The following NEGR1 variants were observed in gnomAD, a reference collection of about 807,000 sequenced individuals.
The protein encoded by NEGR1 is neuronal growth regulator 1, also known as IgLON family member 4.
In NEGR1, 10 loss-of-function variants were observed where a neutral mutation model predicts 40.9. The observed-to-expected ratio is 0.24, with a 90% CI of 0.15 to 0.42. The LOEUF is 0.42. Among genes scored for constraint, NEGR1 ranks in the 10% least tolerant of loss-of-function variants. The pLI is 1.00. For missense variants in NEGR1, 352 were observed against 438.9 expected (o/e 0.80, Z 1.77); for synonymous variants, 185 against 166.8 (o/e 1.11, Z -0.84).
At chr1:72,016,527 G>C (rs1013917311) in intron 1 of NEGR1, among the ~76,000 whole-genome samples, 2 of 152,156 alleles carry the variant, frequency 1.3e-5, no homozygotes, top group Non-Finnish European at 2.9e-5. Flanking sequence ...AGACTGGAAA[G>C]TTTTTAAAGT....
At chr1:71,976,178 A>C (rs1646302114) in intron 1 of NEGR1, among the ~76,000 whole-genome samples, 1 of 152,230 alleles carries the variant, frequency 6.6e-6, no homozygotes, top group African/African-American at 2.4e-5. Context: ...TAAAACTCCC[A>C]AAAGGCAAGT....
At chr1:71,985,387 C>T (rs1375767964) in intron 1 of NEGR1, among the ~76,000 whole-genome samples, 1 of 152,144 alleles carries the variant, frequency 6.6e-6, no homozygotes, top group Non-Finnish European at 1.5e-5. Context: ...GTTCAAATCA[C>T]TGTGGTAAGC....
chr1:71,667,885 C>A (rs957989104), intron 4 of NEGR1, among the ~76,000 whole-genome samples: 2 of 152,040 alleles, frequency 1.3e-5, no homozygotes, highest in African/African-American at 4.8e-5. Flanking sequence ...TCAGAGCTTA[C>A]AAAAATATTT....
intron 6 of NEGR1, among the ~76,000 whole-genome samples, chr1:71,558,757 C>T (rs1648338976): frequency 7.0e-6 from 1 of 142,584 alleles, no homozygotes; most frequent in African/African-American, 2.6e-5. Flanking sequence ...TCTTTACATC[C>T]TAGCACCACC....
intron 1 of NEGR1, among the ~76,000 whole-genome samples, chr1:72,185,167 C>T (rs1470748011): frequency 6.6e-6 from 1 of 151,836 alleles, no homozygotes; most frequent in African/African-American, 2.4e-5. Flanking sequence ...CCTTCTTCTT[C>T]CTCAATTATT....
intron 6 of NEGR1, among the ~76,000 whole-genome samples, chr1:71,513,408 T>C (rs1197289016): frequency 2.0e-5 from 3 of 152,192 alleles, no homozygotes; most frequent in East Asian, 3.9e-4. Context: ...ATTTTTTCTA[T>C]GTTTTTGAGT....
intron 4 of NEGR1, among the ~76,000 whole-genome samples, chr1:71,636,988 T>C (rs1351431027): frequency 1.3e-5 from 2 of 152,054 alleles, no homozygotes; most frequent in Non-Finnish European, 2.9e-5. Context: ...AGGAATAGTA[T>C]GAAAAGACAA....
chr1:71,668,917 T>A (rs1276670286), intron 4 of NEGR1, among the ~76,000 whole-genome samples: 1 of 152,164 alleles, frequency 6.6e-6, no homozygotes, highest in African/African-American at 2.4e-5. Context: ...TTGACTGTGT[T>A]GTTTTATATA....
At chr1:71,580,602 C>T (rs2065740) in intron 6 of NEGR1, among the ~76,000 whole-genome samples, 1 of 151,924 alleles carries the variant, frequency 6.6e-6, no homozygotes, top group African/African-American at 2.4e-5. Flanking sequence ...AGAATCATTC[C>T]TACATCAAAA....
chr1:71,593,286 A>G (rs1415130516), intron 5 of NEGR1, among the ~76,000 whole-genome samples: 1 of 152,210 alleles, frequency 6.6e-6, no homozygotes, highest in Non-Finnish European at 1.5e-5. Flanking sequence ...TATCTCATCT[A>G]TTAAAGTCAG....
chr1:71,715,306 G>A (rs1654238310), intron 3 of NEGR1, among the ~76,000 whole-genome samples: 1 of 152,178 alleles, frequency 6.6e-6, no homozygotes, highest in African/African-American at 2.4e-5. Context: ...GTGATGGGAG[G>A]ACCTGCCATG....
chr1:71,664,542 G>T (rs964628097), intron 4 of NEGR1, among the ~76,000 whole-genome samples: 2 of 151,942 alleles, frequency 1.3e-5, no homozygotes, highest in African/African-American at 4.8e-5. Context: ...TGATTTCCAT[G>T]GGAATTTAGA....
chr1:71,535,647 T>C (rs943058912), intron 6 of NEGR1, among the ~76,000 whole-genome samples: 1 of 151,696 alleles, frequency 6.6e-6, no homozygotes, highest in African/African-American at 2.4e-5. Flanking sequence ...TGGAGATTCA[T>C]GGTTGCACAC....
At chr1:71,871,986 C>T (rs1660292094) in intron 2 of NEGR1, among the ~76,000 whole-genome samples, 1 of 152,152 alleles carries the variant, frequency 6.6e-6, no homozygotes, top group Non-Finnish European at 1.5e-5. Flanking sequence ...ATACTTTCAG[C>T]AGACCAACCT....
rs188660480 is a variant in NEGR1, at chr1:71,501,721, A to G, written c.940+91096T>C. 2.4e-4 allele frequency among the ~76,000 whole-genome samples: 37 copies of G among 152,358 alleles called. 1 individual carries two copies. The highest frequency in any genetic ancestry group is 4.4e-5 in the Non-Finnish European group (3 of 68,026). ...ATGTGAGAGTGAAAAAATAATGTTC[A>G]TAAAATTATAAACAAGAAATTTCAC... On this transcript the variant is annotated intron_variant, in intron 6 of 6. Coordinates refer to ENST00000357731, the MANE Select transcript of NEGR1 (RefSeq NM_173808.3).
At chr1:71,981,438 C>T (rs1450350686) in intron 1 of NEGR1, among the ~76,000 whole-genome samples, 1 of 152,114 alleles carries the variant, frequency 6.6e-6, no homozygotes, top group Non-Finnish European at 1.5e-5. Context: ...TGAGTTCCAA[C>T]ACTTGAAGGA....
At chr1:71,874,246 A>G (rs1211224569) in intron 2 of NEGR1, among the ~76,000 whole-genome samples, 2 of 152,180 alleles carry the variant, frequency 1.3e-5, no homozygotes, top group Non-Finnish European at 2.9e-5. Context: ...TGCACTTAGT[A>G]CCTTTTATCT....
At chr1:72,053,562 G>T (rs930745669) in intron 1 of NEGR1, among the ~76,000 whole-genome samples, 1 of 150,642 alleles carries the variant, frequency 6.6e-6, no homozygotes, top group African/African-American at 2.4e-5. Context: ...GTCATGCTTG[G>T]CTCTAGATAC....
chr1:71,662,913 T>C (rs894922250), intron 4 of NEGR1, among the ~76,000 whole-genome samples: 1 of 151,826 alleles, frequency 6.6e-6, no homozygotes, highest in South Asian at 2.1e-4. Flanking sequence ...ATCTACCCAC[T>C]CTCTGGAATT....
Sources: gnomAD v4.1 joint callset for allele counts (sites outside exome capture counted in the v4.1 genomes callset) on GRCh38, gnomAD v4.1.1 for gene constraint, MANE v1.5 for transcripts, NCBI Gene and HGNC (gene_info 2026-07-23, HGNC 2026-07-21) for gene names.